The following CPZ variants were observed in gnomAD, a reference collection of about 807,000 sequenced individuals.
The protein encoded by CPZ is VEZT/CPZ fusion.
In CPZ, 103 loss-of-function variants were observed where a neutral mutation model predicts 61.8. That is an observed-to-expected ratio of 1.67 (90% CI 1.42 to 1.96). The LOEUF (loss-of-function observed/expected upper bound fraction) is 1.96, where lower values mean the gene tolerates loss of function less well. Among genes scored for constraint, CPZ ranks in the 30% most tolerant of loss-of-function variants. The pLI is 0.00. For synonymous variants in CPZ, 551 were observed against 373.7 expected, an observed-to-expected ratio of 1.47 and a Z score of -5.47; for missense variants, 1,461 against 914.9, an observed-to-expected ratio of 1.60 and a Z score of -7.70.
Position 8,603,988 on chromosome 4 carries a change from C to A in CPZ, c.509C>A (p.Ala170Asp). 1 of 1,612,084 alleles carries A rather than the reference C, an allele frequency of 6.2e-7. No homozygotes were observed. ...PLEKLRGGLE[A>D]DEALPSGLPP... is the part of the protein sequence containing the mutation. ...ACTGCTCCCCCAGGAGGCCTGGAGGCTGACGAGGCACTGCCCTCAGGGCTG... is the reference window on the plus strand; with the variant it reads ...ACTGCTCCCCCAGGAGGCCTGGAGGATGACGAGGCACTGCCCTCAGGGCTG... The change falls in exon 4 of 11, where the codon GCT becomes GAT. Residue 170 changes from alanine (A) to aspartate (D), a missense_variant. Transcript: ENST00000360986.
In CPZ at chr4:8,604,082, C is replaced by A. The variant is rs2109320971; in HGVS notation, c.603C>A (p.Ala201=). Reference sequence around the variant, plus strand: ...TGGTGCGTGTGCTGAGGCGGACGGCCTCCCGCTGCGCCCACGTGGCCAGGA... The same window carrying A: ...TGGTGCGTGTGCTGAGGCGGACGGCATCCCGCTGCGCCCACGTGGCCAGGA... ...AQMVRVLRRT[A]SRCAHVARTY... The change falls in exon 4 of 11, where the codon GCC becomes GCA. Residue 201 remains alanine (A), a synonymous_variant. Coordinates refer to ENST00000360986, the MANE Select transcript of CPZ (RefSeq NM_001014447.3). 6.2e-7 allele frequency: 1 copy of A among 1,609,852 alleles called. No homozygotes were observed. Among genetic ancestry groups the A allele is most frequent in the Middle Eastern group, 1.7e-4 (1 of 6,046 alleles).
At chr4:8,601,637 C>G in intron 3 of CPZ, 140 bp downstream of exon 3, 1 of 927,096 alleles carries the variant, frequency 1.1e-6, no homozygotes, top group Non-Finnish European at 1.5e-6. Context: ...GGCTGCTCCC[C>G]GAGGCAGCAT....
Position 8,604,008 on chromosome 4 carries a change from G to C in CPZ, c.529G>C (p.Gly177Arg). 6.2e-7 allele frequency: 1 copy of C among 1,612,110 alleles called. No homozygotes were observed. The highest frequency in any genetic ancestry group is 8.5e-7 in the Non-Finnish European group (1 of 1,179,814). ...GLEADEALPSGLPPTFIRFSH... is the reference protein window; with the variant it reads ...GLEADEALPSRLPPTFIRFSH... ...GGAGGCTGACGAGGCACTGCCCTCA[G>C]GGCTGCCGCCCACCTTCATCCGCTT... The change falls in exon 4 of 11, where the codon GGG (glycine) becomes CGG (arginine). Residue 177 changes from glycine (G) to arginine (R), a missense_variant. By Grantham distance (125) the Gly-to-Arg change is moderately radical. Coordinates refer to ENST00000360986, the MANE Select transcript of CPZ (RefSeq NM_001014447.3).
chr4:8,611,040 T>C (rs1189500127), intron 7 of CPZ: 3 of 368,142 alleles, frequency 8.1e-6, no homozygotes, highest in Non-Finnish European at 1.7e-5. Flanking sequence ...ACTCTTTCAC[T>C]TGCTCACGCA....
At chr4:8,613,754 G>C (rs1160341593) in intron 8 of CPZ, among the ~76,000 whole-genome samples, 1 of 152,234 alleles carries the variant, frequency 6.6e-6, no homozygotes, top group African/African-American at 2.4e-5. Context: ...CTTGCTCTGA[G>C]GCCTTCTCGG....
chr4:8,614,329 C>T, intron 8 of CPZ, 30 bp from the exon 9 acceptor site: 3 of 1,599,240 alleles, frequency 1.9e-6, no homozygotes, highest in Non-Finnish European at 2.6e-6. Flanking sequence ...GGCTGACACC[C>T]CTGACGTCCC....
chr4:8,616,463 TA>T lies in CPZ; in HGVS notation c.1504-1965del, dbSNP rs139981284. ...GAGAGCCCCTGCTCTCGGGTGGGGC[TA>T]GGGGAGGCAGAAGTGAGACCAGGGC... On this transcript the variant is annotated intron_variant, in intron 9 of 10. Coordinates refer to ENST00000360986, the MANE Select transcript of CPZ (RefSeq NM_001014447.3). Among the ~76,000 whole-genome samples, 594 of 152,134 alleles carry T rather than the reference TA, an allele frequency of 3.9e-3. 3 individuals carry two copies. The highest frequency in any genetic ancestry group is 0.014 in the African/African-American group (562 of 41,504).
At chr4:8,612,760 C>T (rs1279231139) in intron 8 of CPZ, among the ~76,000 whole-genome samples, 1 of 152,232 alleles carries the variant, frequency 6.6e-6, no homozygotes, top group Non-Finnish European at 1.5e-5. Flanking sequence ...GCTCTGGGCC[C>T]TGCCTGCACC....
At chr4:8,611,930 A>C in intron 7 of CPZ, 97 bp from the exon 8 acceptor site, 1 of 1,535,422 alleles carries the variant, frequency 6.5e-7, no homozygotes, top group Non-Finnish European at 8.9e-7. Context: ...TCTGCAATGC[A>C]GGTGTTTGCA....
chr4:8,609,063 C>CCCATTCACTCCCTCACTCATACACTCA (rs1715312978), intron 7 of CPZ, among the ~76,000 whole-genome samples: 1 of 134,836 alleles, frequency 7.4e-6, no homozygotes, highest in Non-Finnish European at 1.6e-5. Flanking sequence ...TCCCTCACTC[C>CCCATTCACTCCCTCACTCATACACTCA]CTCACTCACC....
chr4:8,593,743 C>T (rs1040334377), intron 1 of CPZ, among the ~76,000 whole-genome samples: 1 of 152,130 alleles, frequency 6.6e-6, no homozygotes, highest in African/African-American at 2.4e-5. Context: ...ACTGCCTGAG[C>T]CCTGCGAGTG....
At chr4:8,594,646 C>A (rs548143658) in intron 1 of CPZ, among the ~76,000 whole-genome samples, 12 of 152,216 alleles carry the variant, frequency 7.9e-5, no homozygotes, top group Admixed American at 6.5e-4. Context: ...AGAACTATTT[C>A]AAAAGCCGCT....
rs527403447 is a variant in CPZ at position 8,606,596 on chromosome 4, G to T, written c.907-141G>T. On this transcript the variant is annotated intron_variant, in intron 5 of 10. Transcript: ENST00000360986. ...GGGTGGAGAGGAGGCCAAGGGTCAG[G>T]CATGCCCCCGAGCTCATCACATAAA... The T allele has an allele frequency of 1.5e-4, 156 of 1,067,522 alleles. No individual in the cohort carries two copies. In the African/African-American group the frequency reaches 2.1e-3, roughly 15 times the overall value. 66.1% of individuals were successfully genotyped at this position (1,067,522 alleles called of 1,614,324 possible). A position where few individuals can be genotyped will look rare whatever the true frequency, so the allele number is the denominator to read the frequency against.
At chr4:8,596,465 A>G (rs973525915) in intron 1 of CPZ, among the ~76,000 whole-genome samples, 2 of 152,238 alleles carry the variant, frequency 1.3e-5, no homozygotes, top group African/African-American at 2.4e-5. Flanking sequence ...TGACCCAGCC[A>G]GCAGACACTC....
rs376882526 is a variant in CPZ at position 8,618,537 on chromosome 4, G to A, written c.1603+9G>A. 1.6e-4 allele frequency: 254 copies of A among 1,611,210 alleles called. No homozygotes were observed. Among genetic ancestry groups the A allele is most frequent in the Non-Finnish European group, 1.8e-4 (217 of 1,179,364 alleles). On this transcript the variant is annotated intron_variant, in intron 10 of 10. Transcript: ENST00000360986. The stretch of plus-strand genomic sequence containing the variant: ...CCACGACATCACCACAGGTGAGCAC[G>A]TCCCTGGCTGTCCCCTGGGGACCAC...
At chr4:8,617,128 C>G (rs1192228536) in intron 9 of CPZ, among the ~76,000 whole-genome samples, 1 of 152,166 alleles carries the variant, frequency 6.6e-6, no homozygotes, top group Non-Finnish European at 1.5e-5. Context: ...TCTGAGCTCA[C>G]GGGCCGCGTG....
chr4:8,614,269 CGGCTGTCTCTGTGCGGCTG>C, intron 8 of CPZ, 71 bp from the exon 9 acceptor site: 1 of 1,462,840 alleles, frequency 6.8e-7, no homozygotes. Flanking sequence ...CCCGGCGTCC[CGGCTGTCTCTGTGCGGCTG>C]ACACCCCTGA....
chr4:8,609,749 C>T (rs1715493208), intron 7 of CPZ, among the ~76,000 whole-genome samples: 1 of 152,248 alleles, frequency 6.6e-6, no homozygotes, highest in Non-Finnish European at 1.5e-5. Flanking sequence ...TGAGTCCCAT[C>T]AGAGCCAGAG....
chr4:8,612,361 T>G (rs1049260865), intron 8 of CPZ, among the ~76,000 whole-genome samples, 199 bp downstream of exon 8: 3 of 96,856 alleles, frequency 3.1e-5, no homozygotes, highest in African/African-American at 1.5e-4. Context: ...GTGTGACTGT[T>G]GTGGAGGACC....
Sources: gnomAD v4.1 joint callset for allele counts (sites outside exome capture counted in the v4.1 genomes callset) on GRCh38, gnomAD v4.1.1 for gene constraint, MANE v1.5 for transcripts, NCBI Gene and HGNC (gene_info 2026-07-23, HGNC 2026-07-21) for gene names.